The following CACNA1B variants were observed in gnomAD, a reference collection of about 807,000 sequenced individuals.
The protein encoded by CACNA1B is voltage-dependent N-type calcium channel subunit alpha-1B.
In CACNA1B, 70 loss-of-function variants were observed where a neutral mutation model predicts 247.2. The ratio of observed to expected loss-of-function variants is 0.28; its 90% CI spans 0.23 to 0.35. The LOEUF (loss-of-function observed/expected upper bound fraction) is 0.35. CACNA1B is among the 10% of genes least tolerant of loss of function. The pLI is 1.00. For synonymous variants in CACNA1B, 1,231 were observed against 1,294.4 expected (o/e 0.95, Z 1.05); for missense variants, 2,367 against 3,197.4 (o/e 0.74, Z 6.26).
chr9:137,896,030 G>C (rs1056268675), intron 3 of CACNA1B, among the ~76,000 whole-genome samples: 1 of 152,154 alleles, frequency 6.6e-6, no homozygotes, highest in African/African-American at 2.4e-5. Context: ...ACGAGGTCAG[G>C]AGATCGAGAC....
intron 6 of CACNA1B, among the ~76,000 whole-genome samples, chr9:137,933,942 C>T (rs1005106633): frequency 3.3e-5 from 5 of 151,964 alleles, no homozygotes; most frequent in African/African-American, 1.2e-4. Flanking sequence ...ATGGGAACTT[C>T]AGGGGGTGGA....
At chr9:137,905,894 C>A (rs928774823) in intron 3 of CACNA1B, among the ~76,000 whole-genome samples, 1 of 152,226 alleles carries the variant, frequency 6.6e-6, no homozygotes, top group Non-Finnish European at 1.5e-5. Flanking sequence ...GACACTGTCA[C>A]CTCGGACCTG....
intron 36 of CACNA1B, among the ~76,000 whole-genome samples, chr9:138,094,442 T>TAAAAAAAAAAA (rs753995157): frequency 1.6e-4 from 15 of 93,706 alleles, no homozygotes; most frequent in East Asian, 3.5e-4. Context: ...TTTACTACAG[T>TAAAAAAAAAAA]AAAAAAAAAA....
chr9:137,928,748 CA>C (rs1285054295), intron 6 of CACNA1B, among the ~76,000 whole-genome samples: 1 of 152,048 alleles, frequency 6.6e-6, no homozygotes, highest in Admixed American at 6.5e-5. Flanking sequence ...TTTCATTAAC[CA>C]AAAAAGAAGC....
chr9:138,110,200 T>C (rs1346407226), intron 39 of CACNA1B, among the ~76,000 whole-genome samples: 1 of 152,070 alleles, frequency 6.6e-6, no homozygotes, highest in Non-Finnish European at 1.5e-5. Context: ...CTGCAGTCTC[T>C]GCCTCCTGGG....
chr9:138,037,047 C>G (rs1019884509), intron 20 of CACNA1B, among the ~76,000 whole-genome samples: 1 of 152,170 alleles, frequency 6.6e-6, no homozygotes. Context: ...GTCTAAGTCT[C>G]TTTTACTTTA....
At position 138,108,329 on chromosome 9, in the gene CACNA1B, AAGC is replaced by A. The variant is rs1369824113; in HGVS notation, c.5428+2524_5428+2526del. 2.1e-4 allele frequency among the ~76,000 whole-genome samples: 32 copies of A among 151,056 alleles called. No homozygotes were observed. In the East Asian group the frequency reaches 4.3e-3, roughly 20 times the overall value. ...ATCTCAAAAAAAAAAAAAAAAAAAA[AAGC>A]AAAAGCTTCATAATACCATATATAT... On this transcript the variant is annotated intron_variant, in intron 39 of 46. Transcript: ENST00000371372.
chr9:137,996,550 G>A (rs1958502867), intron 15 of CACNA1B, among the ~76,000 whole-genome samples: 2 of 152,266 alleles, frequency 1.3e-5, no homozygotes, highest in African/African-American at 4.8e-5. Context: ...AAACTACAGC[G>A]TATGCTGCTT....
intron 10 of CACNA1B, among the ~76,000 whole-genome samples, chr9:137,968,007 G>A (rs1307944669): frequency 6.6e-6 from 1 of 152,186 alleles, no homozygotes; most frequent in Non-Finnish European, 1.5e-5. Flanking sequence ...CATCTGCTGA[G>A]TGGTTTCCGA....
At chr9:138,074,758 G>A (rs1211675645) in intron 34 of CACNA1B, among the ~76,000 whole-genome samples, 1 of 152,248 alleles carries the variant, frequency 6.6e-6, no homozygotes, top group Non-Finnish European at 1.5e-5. Flanking sequence ...AATGGGTGCT[G>A]GCTGTGTGGT....
At chr9:137,980,135 C>T (rs901170453) in intron 12 of CACNA1B, among the ~76,000 whole-genome samples, 9 of 152,310 alleles carry the variant, frequency 5.9e-5, no homozygotes, top group Admixed American at 4.6e-4. Flanking sequence ...GACCTATTTT[C>T]GTTTTGTATT....
chr9:137,926,172 C>T lies in CACNA1B; in HGVS notation c.966+8741C>T, dbSNP rs376020842. Among the ~76,000 whole-genome samples, 87 of 150,036 alleles carry T rather than the reference C, an allele frequency of 5.8e-4. No homozygotes were observed. The East Asian group carries it at 8.9e-3, about 15-fold the overall frequency. ...GCAAGCTCTGCCCCCTGGATTCAAG[C>T]GATTCTCCTGCCTCAGCCTCCCGAG... is the stretch of plus-strand genomic sequence containing the variant. On this transcript the variant is annotated intron_variant, in intron 6 of 46. Transcript: ENST00000371372.
chr9:138,047,520 T>C (rs1959194473), intron 23 of CACNA1B, 62 bp downstream of exon 23: 10 of 1,189,598 alleles, frequency 8.4e-6, no homozygotes, highest in Non-Finnish European at 1.3e-5. Flanking sequence ...ATGATTGAGA[T>C]GGGACCAGGG....
intron 38 of CACNA1B, among the ~76,000 whole-genome samples, chr9:138,103,946 C>A (rs1002848642): frequency 1.3e-5 from 2 of 152,246 alleles, no homozygotes; most frequent in Non-Finnish European, 2.9e-5. Flanking sequence ...CTGCATTGTG[C>A]CTGCCTGGGG....
intron 26 of CACNA1B, among the ~76,000 whole-genome samples, chr9:138,056,907 A>T (rs1959520725): frequency 6.8e-6 from 1 of 146,934 alleles, no homozygotes; most frequent in African/African-American, 2.5e-5. Context: ...GTGTCTATTC[A>T]GATCCTTTAC....
At position 138,114,267 on chromosome 9, in the gene CACNA1B, C is replaced by T. The variant is rs1961775852; in HGVS notation, c.5537-111C>T. 7.7e-6 allele frequency: 5 copies of T among 646,990 alleles called. No homozygotes were observed. In the South Asian group the frequency reaches 9.0e-5, roughly 12 times the overall value. 40.1% of individuals were successfully genotyped at this position (646,990 alleles called of 1,614,324 possible). On this transcript the variant is annotated intron_variant, in intron 40 of 46. Transcript: ENST00000371372. Reference sequence around the variant, plus strand: ...TCTGTCCCAGTGCATTTCCAGGAGTCTTTGTGGGGGGCGAGGGAGGGGCGG... The same window carrying T: ...TCTGTCCCAGTGCATTTCCAGGAGTTTTTGTGGGGGGCGAGGGAGGGGCGG...
At chr9:137,906,804 T>C (rs1957305151) in intron 3 of CACNA1B, among the ~76,000 whole-genome samples, 1 of 152,256 alleles carries the variant, frequency 6.6e-6, no homozygotes, top group Admixed American at 6.5e-5. Flanking sequence ...TGCCATGTGA[T>C]GTATTATTTA....
In CACNA1B at chr9:138,007,461, G is replaced by T. The variant is rs1958667273; in HGVS notation, c.2092+577G>T. On this transcript the variant is annotated intron_variant, in intron 16 of 46. Coordinates refer to ENST00000371372, the MANE Select transcript of CACNA1B (RefSeq NM_000718.4). The surrounding 1 kb of genome is among the most constrained non-coding windows in gnomAD (Gnocchi z 4.1). ...GCTGTGGCCAAGGAAGATCTGGAGGGAGAACTACAGCATTCGTGGTATAGG... is the reference window on the plus strand; with the variant it reads ...GCTGTGGCCAAGGAAGATCTGGAGGTAGAACTACAGCATTCGTGGTATAGG... Among the ~76,000 whole-genome samples the T allele has an allele frequency of 6.6e-6, 1 of 152,162 alleles. No individual in the cohort carries two copies. The highest frequency in any genetic ancestry group is 1.5e-5 in the Non-Finnish European group (1 of 68,036).
rs1269805479 is a variant in CACNA1B at position 138,120,736 on chromosome 9, G to A, written c.6344G>A (p.Arg2115Lys). Residue 2115 changes from arginine to lysine, a missense_variant, in exon 46 of 47, where the codon AGG becomes AAG. This residue lies in a region of CACNA1B where 773 missense variants were observed against 779.4 expected (regional missense o/e 0.99). Coordinates refer to ENST00000371372, the MANE Select transcript of CACNA1B (RefSeq NM_000718.4). The part of the protein sequence containing the change: ...RQERGRSQER[R>K]QPSSSSSEKQ... ...GAGCGGGGCCGGTCCCAGGAGCGGA[G>A]GCAGCCCTCATCCTCCTCCTCGGAG... The A allele has an allele frequency of 1.9e-6, 3 of 1,543,994 alleles. No homozygotes were observed. Among genetic ancestry groups the A allele is most frequent in the Admixed American group, 2.1e-5 (1 of 47,696 alleles).
Sources: gnomAD v4.1 joint callset for allele counts (sites outside exome capture counted in the v4.1 genomes callset) on GRCh38, gnomAD v4.1.1 for gene constraint, gnomAD v4.1.1 regional missense constraint, Gnocchi (gnomAD v3.1) non-coding constraint, MANE v1.5 for transcripts, NCBI Gene and HGNC (gene_info 2026-07-23, HGNC 2026-07-21) for gene names.